The following CAMKV variants were observed in gnomAD, a reference collection of about 807,000 sequenced individuals.
The protein encoded by CAMKV is CaM kinase like vesicle associated, also known as caM kinase-like vesicle-associated protein.
In CAMKV, 5 loss-of-function variants were observed where a neutral mutation model predicts 50.2. The ratio of observed to expected loss-of-function variants is 0.10; its 90% CI spans 0.05 to 0.21. The LOEUF (loss-of-function observed/expected upper bound fraction) is 0.21. Ranked by LOEUF, CAMKV falls within the 10% of genes least tolerant of loss-of-function variation. CAMKV has a pLI of 1.00. For missense variants in CAMKV, 361 were observed against 650.5 expected (o/e 0.55, Z 4.84); for synonymous variants, 229 against 250.1 (o/e 0.92, Z 0.80).
At chr3:49,864,338 C>G (rs2082047161) in intron 1 of CAMKV, among the ~76,000 whole-genome samples, 1 of 152,184 alleles carries the variant, frequency 6.6e-6, no homozygotes, top group Non-Finnish European at 1.5e-5. Context: ...TCTGCATATG[C>G]ATTCATGCCC....
chr3:49,859,590 G>C lies in CAMKV; in HGVS notation c.1234C>G (p.Pro412Ala). 6.2e-7 allele frequency: 1 copy of C among 1,614,200 alleles called. No individual in the cohort carries two copies. Among genetic ancestry groups the C allele is most frequent in the Non-Finnish European group, 8.5e-7 (1 of 1,180,020 alleles). The change falls in exon 11 of 11, where the codon CCA becomes GCA. Residue 412 changes from proline to alanine, a missense_variant. Transcript: ENST00000477224. This position sits in a 1 kb window ranked among gnomAD's most constrained non-coding sequence, Gnocchi z 5.5. ...VTPATDGSIT[P>A]ATDGSVTPAT... The stretch of plus-strand genomic sequence containing the variant: ...GGGGTGACACTCCCATCAGTGGCTG[G>C]AGTGATGCTTCCATCGGTGGCTGGG...
chr3:49,861,163 C>T lies in CAMKV; in HGVS notation c.562+17G>A. 1.2e-6 allele frequency: 2 copies of T among 1,606,036 alleles called. No individual in the cohort carries two copies. Among genetic ancestry groups the T allele is most frequent in the East Asian group, 2.2e-5 (1 of 44,642 alleles). ...GCCCCCCATTATCCCCCTGCCCCTG[C>T]CCCACCCCCTGCTTGCCCAGATACT... On this transcript the variant is annotated intron_variant, in intron 6 of 10. Coordinates refer to ENST00000477224, the MANE Select transcript of CAMKV (RefSeq NM_024046.5). The surrounding 1 kb of genome is among the most constrained non-coding windows in gnomAD (Gnocchi z 7.7).
In CAMKV at chr3:49,860,126, G is replaced by A. The variant is rs758647256; in HGVS notation, c.942+45C>T. The A allele has an allele frequency of 2.0e-6, 3 of 1,532,070 alleles. No individual in the cohort carries two copies. In the South Asian group the frequency reaches 3.4e-5, roughly 17 times the overall value. The allele number at this position is 1,532,070 out of a possible 1,614,324, so 94.9% of individuals were successfully genotyped here. On this transcript the variant is annotated intron_variant, in intron 10 of 10. Coordinates refer to ENST00000477224, the MANE Select transcript of CAMKV (RefSeq NM_024046.5). The surrounding 1 kb of genome is among the most constrained non-coding windows in gnomAD (Gnocchi z 6.1). ...GCAGGCAAGAAACTGAGTGCCAGAA[G>A]CAATACTTGGGATAGAGCCAAGAAG...
At position 49,861,639 on chromosome 3, in the gene CAMKV, G is replaced by C; in HGVS notation, c.303-62C>G. The C allele has an allele frequency of 6.2e-7, 1 of 1,610,230 alleles. No individual in the cohort carries two copies. Among genetic ancestry groups the C allele is most frequent in the South Asian group, 1.1e-5 (1 of 90,926 alleles). Reference sequence around the variant, plus strand: ...AATCAGGGGTAGGGCAGGAGCACTTGGGTGAGCTGCCTACGCCAGGCAGCT... The same window carrying C: ...AATCAGGGGTAGGGCAGGAGCACTTCGGTGAGCTGCCTACGCCAGGCAGCT... On this transcript the variant is annotated intron_variant, in intron 4 of 10. Coordinates refer to ENST00000477224, the MANE Select transcript of CAMKV (RefSeq NM_024046.5). This position sits in a 1 kb window ranked among gnomAD's most constrained non-coding sequence, Gnocchi z 7.7.
At position 49,861,953 on chromosome 3, in the gene CAMKV, T is replaced by G. The variant is rs1179970926; in HGVS notation, c.228-88A>C. ...ACCACAGTGGCCACAGCAGACTAATTGGCCAGAGGCTGGGACTGCCTGAGG... is the reference window on the plus strand; with the variant it reads ...ACCACAGTGGCCACAGCAGACTAATGGGCCAGAGGCTGGGACTGCCTGAGG... On this transcript the variant is annotated intron_variant, in intron 3 of 10. Coordinates refer to ENST00000477224, the MANE Select transcript of CAMKV (RefSeq NM_024046.5). The surrounding 1 kb of genome is among the most constrained non-coding windows in gnomAD (Gnocchi z 7.7). 2.5e-6 allele frequency: 4 copies of G among 1,608,004 alleles called. No individual in the cohort carries two copies. Among genetic ancestry groups the G allele is most frequent in the Non-Finnish European group, 3.4e-6 (4 of 1,176,706 alleles).
chr3:49,861,816 T>C lies in CAMKV; in HGVS notation c.277A>G (p.Lys93Glu), dbSNP rs1559456830. The change falls in exon 4 of 11, where the codon AAG becomes GAG. Residue 93 changes from lysine to glutamate, a missense_variant. Coordinates refer to ENST00000477224, the MANE Select transcript of CAMKV (RefSeq NM_024046.5). The surrounding 1 kb of genome is among the most constrained non-coding windows in gnomAD (Gnocchi z 7.7). ...AGCTCCAGGAAGATAAAGTACTCCT[T>C]GCGGGTCACAAACACATCCACCAGC... Reference protein sequence around the residue: ...LQLVDVFVTRKEYFIFLELAT... With the variant: ...LQLVDVFVTREEYFIFLELAT... 3.1e-6 allele frequency: 5 copies of C among 1,613,844 alleles called. No homozygotes were observed. The highest frequency in any genetic ancestry group is 1.7e-5 in the Admixed American group (1 of 60,020).
Position 49,859,223 on chromosome 3 carries a change from G to T in CAMKV, c.*95C>A. On this transcript the variant is annotated 3_prime_UTR_variant, in exon 11 of 11. Coordinates refer to ENST00000477224, the MANE Select transcript of CAMKV (RefSeq NM_024046.5). This position sits in a 1 kb window ranked among gnomAD's most constrained non-coding sequence, Gnocchi z 5.5. ...GATGTGGGGGCATGGGGGAGCGAGG[G>T]CATCATGCCAGTGACTCTATGTACA... 2.6e-6 allele frequency: 3 copies of T among 1,154,590 alleles called. No individual in the cohort carries two copies. The highest frequency in any genetic ancestry group is 3.6e-6 in the Non-Finnish European group (3 of 822,838). The allele number at this position is 1,154,590 out of a possible 1,614,324, so 71.5% of individuals were successfully genotyped here.
chr3:49,863,355 C>CT (rs201816249), intron 1 of CAMKV: 7 of 151,212 alleles, frequency 4.6e-5, no homozygotes, highest in African/African-American at 1.2e-4. Flanking sequence ...CTTTTCTTTT[C>CT]TTTCTTTCTT....
rs2082008970 is a variant in CAMKV, at chr3:49,860,086, C to T, written c.942+85G>A. On this transcript the variant is annotated intron_variant, in intron 10 of 10. Coordinates refer to ENST00000477224, the MANE Select transcript of CAMKV (RefSeq NM_024046.5). This position sits in a 1 kb window ranked among gnomAD's most constrained non-coding sequence, Gnocchi z 6.1. ...TGGCCTGAGAAAAGCTTGTGTGTGGCTGCAGGGGTGTGATGCAGGCAAGAA... is the reference window on the plus strand; with the variant it reads ...TGGCCTGAGAAAAGCTTGTGTGTGGTTGCAGGGGTGTGATGCAGGCAAGAA... 1 of 1,270,160 alleles carries T rather than the reference C, an allele frequency of 7.9e-7. No homozygotes were observed. The highest frequency in any genetic ancestry group is 1.5e-5 in the African/African-American group (1 of 68,244). 78.7% of individuals were successfully genotyped at this position (1,270,160 alleles called of 1,614,324 possible).
chr3:49,868,450 C>T (rs2082081488), intron 1 of CAMKV, among the ~76,000 whole-genome samples: 1 of 152,206 alleles, frequency 6.6e-6, no homozygotes. Context: ...GCCTCAGTTT[C>T]CCCTAATGGA....
intron 1 of CAMKV, among the ~76,000 whole-genome samples, chr3:49,864,898 G>A (rs561881909): frequency 9.9e-5 from 15 of 152,250 alleles, no homozygotes; most frequent in South Asian, 4.2e-4. Flanking sequence ...GGACCCAAAC[G>A]AGCCCCATAG....
At position 49,860,082 on chromosome 3, in the gene CAMKV, G is replaced by A; in HGVS notation, c.942+89C>T. On this transcript the variant is annotated intron_variant, in intron 10 of 10. Transcript: ENST00000477224. This position sits in a 1 kb window ranked among gnomAD's most constrained non-coding sequence, Gnocchi z 6.1. ...CTGATGGCCTGAGAAAAGCTTGTGT[G>A]TGGCTGCAGGGGTGTGATGCAGGCA... The A allele has an allele frequency of 8.0e-7, 1 of 1,250,896 alleles. No individual in the cohort carries two copies. The highest frequency in any genetic ancestry group is 1.2e-6 in the Non-Finnish European group (1 of 855,164). 77.5% of individuals were successfully genotyped at this position (1,250,896 alleles called of 1,614,324 possible).
In CAMKV at chr3:49,861,253, G is replaced by T. The variant is rs2082018601; in HGVS notation, c.489C>A (p.Val163=). 6.2e-7 allele frequency: 1 copy of T among 1,613,944 alleles called. No individual in the cohort carries two copies. The highest frequency in any genetic ancestry group is 1.3e-5 in the African/African-American group (1 of 75,004). Residue 163 remains valine, a synonymous_variant, in exon 6 of 11, where the codon GTC becomes GTA. Transcript: ENST00000477224. The surrounding 1 kb of genome is among the most constrained non-coding windows in gnomAD (Gnocchi z 7.7). ...GCTTAGCCAGATGGAAGTCACTGAT[G>T]ACAATCTTCGAGTTCTTCAGCCGGT... is the stretch of plus-strand genomic sequence containing the variant. The part of the protein sequence containing the change: ...YYNRLKNSKI[V]ISDFHLAKLE...
In CAMKV at chr3:49,858,991, G is replaced by A. The variant is rs866623410; in HGVS notation, c.*327C>T. ...GGGGAATGGTGAGGCAAGAAGGGAA[G>A]GGGAAGGAGAGCAGGAGCCCCCTGA... On this transcript the variant is annotated 3_prime_UTR_variant, in exon 11 of 11. Coordinates refer to ENST00000477224, the MANE Select transcript of CAMKV (RefSeq NM_024046.5). The A allele has an allele frequency of 4.0e-6, 1 of 247,734 alleles. No homozygotes were observed. The highest frequency in any genetic ancestry group is 7.8e-6 in the Non-Finnish European group (1 of 127,812). The allele number at this position is 247,734 out of a possible 1,614,324, so 15.3% of individuals were successfully genotyped here. A position where few individuals can be genotyped will look rare whatever the true frequency, so the allele number is the denominator to read the frequency against.
At chr3:49,863,535 T>TC (rs1376589353) in intron 1 of CAMKV, 3 of 152,314 alleles carry the variant, frequency 2.0e-5, no homozygotes, top group Non-Finnish European at 4.4e-5. Context: ...TCCCAGGAAG[T>TC]CACCATACTA....
At position 49,860,051 on chromosome 3, in the gene CAMKV, C is replaced by T. The variant is rs1412895062; in HGVS notation, c.942+120G>A. 9.0e-7 allele frequency: 1 copy of T among 1,109,258 alleles called. No homozygotes were observed. The highest frequency in any genetic ancestry group is 1.3e-6 in the Non-Finnish European group (1 of 746,274). 68.7% of individuals were successfully genotyped at this position (1,109,258 alleles called of 1,614,324 possible). A position where few individuals can be genotyped will look rare whatever the true frequency, so the allele number is the denominator to read the frequency against. On this transcript the variant is annotated intron_variant, in intron 10 of 10. Transcript: ENST00000477224. This position sits in a 1 kb window ranked among gnomAD's most constrained non-coding sequence, Gnocchi z 6.1. ...CTTAAGGTAATCACAGTGGCTACAC[C>T]CACACCTGATGGCCTGAGAAAAGCT...
At position 49,859,375 on chromosome 3, in the gene CAMKV, A is replaced by G. The variant is rs1355854489; in HGVS notation, c.1449T>C (p.Ser483=). Residue 483 remains serine, a synonymous_variant, in exon 11 of 11, where the codon AGT becomes AGC. Transcript: ENST00000477224. This position sits in a 1 kb window ranked among gnomAD's most constrained non-coding sequence, Gnocchi z 5.5. ...EGATGQAPPS[S]KGEEAAGYAQ... The stretch of plus-strand genomic sequence containing the variant: ...CATAACCAGCAGCCTCTTCCCCTTT[A>G]CTAGAGGGTGGAGCCTGGCCTGTGG... 1 of 1,573,122 alleles carries G rather than the reference A, an allele frequency of 6.4e-7. No individual in the cohort carries two copies. Among genetic ancestry groups the G allele is most frequent in the African/African-American group, 1.4e-5 (1 of 74,036 alleles).
At chr3:49,866,635 A>G (rs958249864) in intron 1 of CAMKV, among the ~76,000 whole-genome samples, 3 of 152,184 alleles carry the variant, frequency 2.0e-5, no homozygotes, top group East Asian at 3.9e-4. Flanking sequence ...GCTGGCTCTC[A>G]TGGAGCCTGA....
Position 49,859,050 on chromosome 3 carries a change from A to C in CAMKV, c.*268T>G. 2 of 395,014 alleles carry C rather than the reference A, an allele frequency of 5.1e-6. No homozygotes were observed. The highest frequency in any genetic ancestry group is 3.8e-5 in the East Asian group (1 of 26,038). The allele number at this position is 395,014 out of a possible 1,614,324, so 24.5% of individuals were successfully genotyped here. On this transcript the variant is annotated 3_prime_UTR_variant, in exon 11 of 11. Transcript: ENST00000477224. This position sits in a 1 kb window ranked among gnomAD's most constrained non-coding sequence, Gnocchi z 5.5. ...AGAGCAGCATCCCACAAGGAACAGA[A>C]ACTGGTGAAGCTAGCAAAAGACAGA...
Sources: gnomAD v4.1 joint callset for allele counts (sites outside exome capture counted in the v4.1 genomes callset) on GRCh38, gnomAD v4.1.1 for gene constraint, Gnocchi (gnomAD v3.1) non-coding constraint, MANE v1.5 for transcripts, NCBI Gene and HGNC (gene_info 2026-07-23, HGNC 2026-07-21) for gene names.